CNTN5: variants seen among roughly 807,000 people sequenced by gnomAD.
The protein encoded by CNTN5 is contactin 5.
CNTN5 carries 77 observed loss-of-function variants against 129.1 expected under a neutral mutation model. The observed-to-expected ratio is 0.60, with a 90% CI of 0.50 to 0.72. The LOEUF (loss-of-function observed/expected upper bound fraction) is 0.72. CNTN5 is among the 30% of genes least tolerant of loss of function. The pLI, the probability that CNTN5 is intolerant of heterozygous loss-of-function variation, is 0.00. For missense variants in CNTN5, 1,478 were observed against 1,328.8 expected (o/e 1.11, Z -1.75); for synonymous variants, 509 against 465.6 (o/e 1.09, Z -1.20).
At chr11:99,922,865 T>TTGAG (rs1949972162) in intron 7 of CNTN5, among the ~76,000 whole-genome samples, 1 of 152,162 alleles carries the variant, frequency 6.6e-6, no homozygotes, top group Non-Finnish European at 1.5e-5. Flanking sequence ...ATTCTAACAG[T>TTGAG]TGAGTTTTGC....
chr11:100,100,047 G>C (rs1374200376), intron 13 of CNTN5, among the ~76,000 whole-genome samples: 1 of 151,980 alleles, frequency 6.6e-6, no homozygotes, highest in African/African-American at 2.4e-5. Context: ...TCCATTTGCT[G>C]CATTTTTATC....
intron 1 of CNTN5, among the ~76,000 whole-genome samples, chr11:99,310,906 C>T (rs2135968913): frequency 6.6e-6 from 1 of 150,964 alleles, no homozygotes; most frequent in East Asian, 2.0e-4. Context: ...CCTTTATTAT[C>T]TTACTGTAAT....
chr11:99,654,711 C>A (rs1318775277), intron 3 of CNTN5, among the ~76,000 whole-genome samples: 1 of 152,030 alleles, frequency 6.6e-6, no homozygotes. Context: ...ACATTAATTG[C>A]ATTTTCTATA....
chr11:99,950,245 G>A lies in CNTN5; in HGVS notation c.674-6561G>A, dbSNP rs147576306. On this transcript the variant is annotated intron_variant, in intron 7 of 24. Coordinates refer to ENST00000524871, the MANE Select transcript of CNTN5 (RefSeq NM_014361.4). ...TGTAATCCCAGCATTTTGGAAGGCC[G>A]AGGCGGGTGGATCACGAGGTCAGGA... 7.4e-4 allele frequency among the ~76,000 whole-genome samples: 113 copies of A among 152,278 alleles called. No homozygotes were observed. In the South Asian group the frequency reaches 0.011, roughly 14 times the overall value.
chr11:99,625,476 T>A (rs1169222827), intron 3 of CNTN5, among the ~76,000 whole-genome samples: 2 of 152,192 alleles, frequency 1.3e-5, no homozygotes, highest in South Asian at 4.1e-4. Flanking sequence ...GAATTATTTT[T>A]AAATGTATAT....
intron 9 of CNTN5, among the ~76,000 whole-genome samples, chr11:100,029,734 C>T (rs374739593): frequency 6.6e-5 from 10 of 152,020 alleles, no homozygotes; most frequent in African/African-American, 1.5e-4. Flanking sequence ...ATGGACTATT[C>T]GTACCCCTAG....
At chr11:100,203,016 T>C (rs373005478) in intron 15 of CNTN5, among the ~76,000 whole-genome samples, 8 of 152,208 alleles carry the variant, frequency 5.3e-5, no homozygotes, top group African/African-American at 1.9e-4. Context: ...GATGGTGTTA[T>C]TCTCTGAAGT....
chr11:99,540,376 C>G (rs1278922880), intron 2 of CNTN5, among the ~76,000 whole-genome samples: 4 of 152,034 alleles, frequency 2.6e-5, no homozygotes, highest in Admixed American at 6.6e-5. Context: ...TTATTGAGTA[C>G]CTAACAATGC....
intron 2 of CNTN5, among the ~76,000 whole-genome samples, chr11:99,461,377 C>A (rs1473684422): frequency 1.3e-5 from 2 of 151,978 alleles, no homozygotes; most frequent in Admixed American, 6.6e-5. Flanking sequence ...TCAATGTTGT[C>A]ATTCACTTAT....
chr11:99,468,654 CTT>C (rs36091167), intron 2 of CNTN5, among the ~76,000 whole-genome samples: 18,792 of 145,072 alleles, frequency 0.13, 1,362 homozygotes, highest in Non-Finnish European at 0.18. Context: ...GAGTTTTCAC[CTT>C]TTTTTTTTTT....
intron 3 of CNTN5, among the ~76,000 whole-genome samples, chr11:99,589,441 C>T (rs1474360141): frequency 1.3e-5 from 2 of 152,234 alleles, no homozygotes; most frequent in South Asian, 2.1e-4. Flanking sequence ...AAAAATACTG[C>T]TTCCAAAGAA....
At chr11:99,775,363 TGGTTG>T in intron 3 of CNTN5, among the ~76,000 whole-genome samples, 2 of 151,802 alleles carry the variant, frequency 1.3e-5, no homozygotes, top group Non-Finnish European at 2.9e-5. Context: ...TGGGGATAAA[TGGTTG>T]GACTGATTAA....
At chr11:99,892,879 C>T (rs1420496549) in intron 6 of CNTN5, among the ~76,000 whole-genome samples, 1 of 152,064 alleles carries the variant, frequency 6.6e-6, no homozygotes, top group African/African-American at 2.4e-5. Context: ...TCAATGGTAG[C>T]CTGATGGGGA....
intron 2 of CNTN5, among the ~76,000 whole-genome samples, chr11:99,489,444 T>A (rs1220543027): frequency 6.6e-6 from 1 of 152,208 alleles, no homozygotes; most frequent in Non-Finnish European, 1.5e-5. Flanking sequence ...GCACCAGGCT[T>A]ACTCTTAACA....
At chr11:100,199,685 G>A (rs569161341) in intron 15 of CNTN5, among the ~76,000 whole-genome samples, 11 of 151,830 alleles carry the variant, frequency 7.2e-5, no homozygotes, top group African/African-American at 2.7e-4. Context: ...AAATCATTCC[G>A]AAAGCAAATA....
At position 99,791,205 on chromosome 11, in the gene CNTN5, T is replaced by C. The variant is rs541646541; in HGVS notation, c.56-28339T>C. Reference sequence around the variant, plus strand: ...CAATTGATTTTGGGGGTCTTAGTCATGAACTCTTTCTCCATTCTTATGTTC... The same window carrying C: ...CAATTGATTTTGGGGGTCTTAGTCACGAACTCTTTCTCCATTCTTATGTTC... On this transcript the variant is annotated intron_variant, in intron 3 of 24. Transcript: ENST00000524871. Among the ~76,000 whole-genome samples, 38 of 152,190 alleles carry C rather than the reference T, an allele frequency of 2.5e-4. No homozygotes were observed. In the South Asian group the frequency reaches 7.5e-3, roughly 30 times the overall value.
intron 10 of CNTN5, among the ~76,000 whole-genome samples, 174 bp from the exon 11 acceptor site, chr11:100,070,249 TG>T (rs1238285400): frequency 2.6e-5 from 4 of 152,096 alleles, no homozygotes; most frequent in Non-Finnish European, 4.4e-5. Flanking sequence ...TGCTATTTTT[TG>T]GGGGTACAGG....
intron 3 of CNTN5, among the ~76,000 whole-genome samples, chr11:99,676,444 G>A (rs566801139): frequency 6.6e-6 from 1 of 152,212 alleles, no homozygotes; most frequent in African/African-American, 2.4e-5. Context: ...CACATTATGG[G>A]ATTTTTCCAA....
At chr11:99,085,049 A>ATT (rs201796837) in intron 1 of CNTN5, among the ~76,000 whole-genome samples, 6,617 of 146,988 alleles carry the variant, frequency 0.045, 378 homozygotes, top group African/African-American at 0.14. Context: ...CTAGTAACCA[A>ATT]TTTTTTTTTT....
Sources: gnomAD v4.1 joint callset for allele counts (sites outside exome capture counted in the v4.1 genomes callset) on GRCh38, gnomAD v4.1.1 for gene constraint, MANE v1.5 for transcripts, NCBI Gene and HGNC (gene_info 2026-07-23, HGNC 2026-07-21) for gene names.